The following ATP6V0B variants were observed in gnomAD, a reference collection of about 807,000 sequenced individuals.
ATP6V0B encodes ATPase H+ transporting V0 subunit b, also known as V-type proton ATPase 21 kDa proteolipid subunit c''.
Under a neutral mutation model 26.2 loss-of-function variants are expected in ATP6V0B, and 4 were observed. That is an observed-to-expected ratio of 0.15 (90% CI 0.08 to 0.35). The LOEUF is 0.35. Ranked by LOEUF, ATP6V0B falls within the 10% of genes least tolerant of loss-of-function variation. The pLI is 1.00. For missense variants in ATP6V0B, 175 were observed against 272.5 expected, an observed-to-expected ratio of 0.64 and a Z score of 2.52; for synonymous variants, 110 against 105.8, an observed-to-expected ratio of 1.04 and a Z score of -0.24.
chr1:43,977,118 G>A lies in ATP6V0B; in HGVS notation c.493G>A (p.Ala165Thr), dbSNP rs757377225. 1 of 1,614,242 alleles carries A rather than the reference G, an allele frequency of 6.2e-7. No individual in the cohort carries two copies. Among genetic ancestry groups the A allele is most frequent in the South Asian group, 1.1e-5 (1 of 91,088 alleles). ...CATCGTGGGCAGTGGGGCTGCCCTG[G>A]CCGATGCTCAGAACCCCAGCCTCTT... ...VGIVGSGAAL[A>T]DAQNPSLFVK... The change falls in exon 7 of 8, where the codon GCC becomes ACC. Residue 165 changes from alanine to threonine, a missense_variant. Transcript: ENST00000472174.
In ATP6V0B at chr1:43,977,153, T is replaced by G. The variant is rs1438975290; in HGVS notation, c.528T>G (p.Ile176Met). 1 of 1,614,238 alleles carries G rather than the reference T, an allele frequency of 6.2e-7. No individual in the cohort carries two copies. The stretch of plus-strand genomic sequence containing the variant: ...AGAACCCCAGCCTCTTTGTAAAGAT[T>G]CTCATCGTGGAGATCTTTGGCAGCG... ...DAQNPSLFVK[I>M]LIVEIFGSAI... Residue 176 changes from isoleucine to methionine, a missense_variant, in exon 7 of 8, where the codon ATT becomes ATG. Physicochemically the swap from Ile to Met is conservative, Grantham distance 10. Coordinates refer to ENST00000472174, the MANE Select transcript of ATP6V0B (RefSeq NM_004047.5).
rs1557646558 is a variant in ATP6V0B at position 43,976,288 on chromosome 1, T to TA, written c.201-13dup. ...GCTTGGGCTCTGCTCATCAGTTTTTTATCCTTCCACCAGGGGCATCTATAT... is the reference window on the plus strand; with the variant it reads ...GCTTGGGCTCTGCTCATCAGTTTTTTAATCCTTCCACCAGGGGCATCTATAT... On this transcript the variant is annotated splice_polypyrimidine_tract_variant and intron_variant, in intron 3 of 7. Transcript: ENST00000472174. This position sits in a 1 kb window ranked among gnomAD's most constrained non-coding sequence, Gnocchi z 4.6. 1 of 1,613,506 alleles carries TA rather than the reference T, an allele frequency of 6.2e-7. No homozygotes were observed. The highest frequency in any genetic ancestry group is 8.5e-7 in the Non-Finnish European group (1 of 1,179,606).
chr1:43,977,690 T>G, intron 7 of ATP6V0B: 1 of 1,427,784 alleles, frequency 7.0e-7, no homozygotes, highest in Non-Finnish European at 9.1e-7. Context: ...TGTGTGAGTT[T>G]GTGACTAAGG....
Position 43,977,343 on chromosome 1 carries a change from C to T in ATP6V0B, c.591+127C>T, listed in dbSNP as rs144973199. On this transcript the variant is annotated intron_variant, in intron 7 of 7. Coordinates refer to ENST00000472174, the MANE Select transcript of ATP6V0B (RefSeq NM_004047.5). ...AGATTCCCCCAAACAGCTTCCACCT[C>T]CTCATTTCCATCTTCTGGTTTTCTC... 806 of 1,565,500 alleles carry T rather than the reference C, an allele frequency of 5.1e-4. 5 individuals are homozygous for T. The highest frequency in any genetic ancestry group is 4.6e-3 in the South Asian group (400 of 86,674).
chr1:43,976,102 G>T lies in ATP6V0B; in HGVS notation c.129G>T (p.Glu43Asp), dbSNP rs1423451572. 1 of 1,614,020 alleles carries T rather than the reference G, an allele frequency of 6.2e-7. No homozygotes were observed. The highest frequency in any genetic ancestry group is 8.5e-7 in the Non-Finnish European group (1 of 1,180,002). The change falls in exon 3 of 8, where the codon GAG becomes GAT. Residue 43 changes from glutamate to aspartate, a missense_variant. Glu to Asp is a conservative substitution (Grantham distance 45, BLOSUM62 2). Transcript: ENST00000472174. This position sits in a 1 kb window ranked among gnomAD's most constrained non-coding sequence, Gnocchi z 4.6. Reference sequence around the variant, plus strand: ...GCTTCCACAACAGGTTCCTGACGGAGACTTCGCCCTTCATGTGGTCCAACC... The same window carrying T: ...GCTTCCACAACAGGTTCCTGACGGATACTTCGCCCTTCATGTGGTCCAACC... ...FRFDVAWFLT[E>D]TSPFMWSNLG...
Position 43,976,009 on chromosome 1 carries a change from G to A in ATP6V0B, c.117-81G>A. ...TGCCTGTAGAACTGGTGGTGGGGTT[G>A]AAGGGGGTTTGAGGGGTTAAGATTT... On this transcript the variant is annotated intron_variant, in intron 2 of 7. Transcript: ENST00000472174. The surrounding 1 kb of genome is among the most constrained non-coding windows in gnomAD (Gnocchi z 4.6). 1 of 1,547,266 alleles carries A rather than the reference G, an allele frequency of 6.5e-7. No homozygotes were observed. Among genetic ancestry groups the A allele is most frequent in the Non-Finnish European group, 8.9e-7 (1 of 1,120,352 alleles).
At chr1:43,977,693 G>A (rs2085537973) in intron 7 of ATP6V0B, 1 of 1,428,080 alleles carries the variant, frequency 7.0e-7, no homozygotes, top group African/African-American at 1.4e-5. Flanking sequence ...GTGAGTTTGT[G>A]ACTAAGGATC....
Position 43,977,525 on chromosome 1 carries a change from G to A in ATP6V0B, c.591+309G>A. ...GCCATGCTTTTCATGTCTCCAGTCT[G>A]TATTTGTGATCTAGACTAGAATGGA... On this transcript the variant is annotated intron_variant, in intron 7 of 7. Transcript: ENST00000472174. 2.8e-6 allele frequency: 4 copies of A among 1,427,882 alleles called. No homozygotes were observed. The South Asian group carries it at 4.7e-5, about 17-fold the overall frequency. The allele number at this position is 1,427,882 out of a possible 1,614,324, so 88.5% of individuals were successfully genotyped here. A position where few individuals can be genotyped will look rare whatever the true frequency, so the allele number is the denominator to read the frequency against.
Position 43,976,025 on chromosome 1 carries a change from G to T in ATP6V0B, c.117-65G>T. The stretch of plus-strand genomic sequence containing the variant: ...GGTGGGGTTGAAGGGGGTTTGAGGG[G>T]TTAAGATTTTGTGCTCCGCTTCCCT... On this transcript the variant is annotated intron_variant, in intron 2 of 7. Coordinates refer to ENST00000472174, the MANE Select transcript of ATP6V0B (RefSeq NM_004047.5). The surrounding 1 kb of genome is among the most constrained non-coding windows in gnomAD (Gnocchi z 4.6). 6.4e-7 allele frequency: 1 copy of T among 1,571,674 alleles called. No individual in the cohort carries two copies. The highest frequency in any genetic ancestry group is 8.8e-7 in the Non-Finnish European group (1 of 1,141,962).
intron 7 of ATP6V0B, 49 bp from the exon 8 acceptor site, chr1:43,977,932 T>C (rs776966051): frequency 1.9e-6 from 3 of 1,614,180 alleles, no homozygotes; most frequent in Middle Eastern, 3.3e-4. Flanking sequence ...TGTCACTGCC[T>C]TACCTATTCC....
chr1:43,976,802 C>T lies in ATP6V0B; in HGVS notation c.378C>T (p.Ile126=), dbSNP rs748224999. The change falls in exon 6 of 8, where the codon ATC becomes ATT. Residue 126 remains isoleucine (I), a synonymous_variant. Transcript: ENST00000472174. This position sits in a 1 kb window ranked among gnomAD's most constrained non-coding sequence, Gnocchi z 4.6. ...EPFSATDPKA[I]GHRNYHAGYS... ...TCAGTGCCACAGACCCCAAGGCCAT[C>T]GGCCATCGGAACTACCATGCAGGTG... The T allele has an allele frequency of 6.9e-5, 111 of 1,614,232 alleles. 4 individuals carry two copies. In the South Asian group the frequency reaches 9.0e-4, roughly 13 times the overall value.
Position 43,976,427 on chromosome 1 carries a change from G to T in ATP6V0B, c.278+48G>T. On this transcript the variant is annotated intron_variant, in intron 4 of 7. Transcript: ENST00000472174. The surrounding 1 kb of genome is among the most constrained non-coding windows in gnomAD (Gnocchi z 4.6). ...TTTTGTCAGAACCAGCTGTGTTGGC[G>T]CTGCCTGTGTGTTTGATCTGACATA... 1 of 1,565,770 alleles carries T rather than the reference G, an allele frequency of 6.4e-7. No homozygotes were observed. The highest frequency in any genetic ancestry group is 8.7e-7 in the Non-Finnish European group (1 of 1,143,996).
In ATP6V0B at chr1:43,977,007, C is replaced by A. The variant is rs367597315; in HGVS notation, c.401-19C>A. On this transcript the variant is annotated intron_variant, in intron 6 of 7. Coordinates refer to ENST00000472174, the MANE Select transcript of ATP6V0B (RefSeq NM_004047.5). ...CCATTCCTGGCTTAGCCTCACTGCA[C>A]CCCTCTCTATCCTCCCAGGCTACTC... 6.2e-6 allele frequency: 10 copies of A among 1,601,008 alleles called. No individual in the cohort carries two copies. The African/African-American group carries it at 1.1e-4, about 17-fold the overall frequency.
At position 43,977,137 on chromosome 1, in the gene ATP6V0B, G is replaced by C; in HGVS notation, c.512G>C (p.Ser171Thr). ...GAALADAQNP[S>T]LFVKILIVEI... is the part of the protein sequence containing the mutation. The stretch of plus-strand genomic sequence containing the variant: ...GCCCTGGCCGATGCTCAGAACCCCA[G>C]CCTCTTTGTAAAGATTCTCATCGTG... Residue 171 changes from serine to threonine, a missense_variant, in exon 7 of 8, where the codon AGC (serine) becomes ACC (threonine). Transcript: ENST00000472174. The C allele has an allele frequency of 6.2e-7, 1 of 1,614,230 alleles. No individual in the cohort carries two copies.
chr1:43,978,137 C>A lies in ATP6V0B; in HGVS notation c.*130C>A. On this transcript the variant is annotated 3_prime_UTR_variant, in exon 8 of 8. Coordinates refer to ENST00000472174, the MANE Select transcript of ATP6V0B (RefSeq NM_004047.5). ...CCCTCCCTGCACTCCCCTCTTGCTGCGTGTTGATTTGGAGGCACTGCAGTC... is the reference window on the plus strand; with the variant it reads ...CCCTCCCTGCACTCCCCTCTTGCTGAGTGTTGATTTGGAGGCACTGCAGTC... 2 of 1,372,828 alleles carry A rather than the reference C, an allele frequency of 1.5e-6. No individual in the cohort carries two copies. The highest frequency in any genetic ancestry group is 2.4e-5 in the South Asian group (2 of 84,976). 85.0% of individuals were successfully genotyped at this position (1,372,828 alleles called of 1,614,324 possible).
rs541391906 is a variant in ATP6V0B at position 43,976,014 on chromosome 1, G to T, written c.117-76G>T. The T allele has an allele frequency of 9.0e-6, 14 of 1,550,668 alleles. No homozygotes were observed. In the East Asian group the frequency reaches 3.1e-4, roughly 35 times the overall value. On this transcript the variant is annotated intron_variant, in intron 2 of 7. Coordinates refer to ENST00000472174, the MANE Select transcript of ATP6V0B (RefSeq NM_004047.5). This position sits in a 1 kb window ranked among gnomAD's most constrained non-coding sequence, Gnocchi z 4.6. ...GTAGAACTGGTGGTGGGGTTGAAGGGGGTTTGAGGGGTTAAGATTTTGTGC... is the reference window on the plus strand; with the variant it reads ...GTAGAACTGGTGGTGGGGTTGAAGGTGGTTTGAGGGGTTAAGATTTTGTGC...
Position 43,978,077 on chromosome 1 carries a change from T to C in ATP6V0B, c.*70T>C, listed in dbSNP as rs1432514340. 1.9e-6 allele frequency: 3 copies of C among 1,608,138 alleles called. No homozygotes were observed. The Admixed American group carries it at 5.0e-5, about 27-fold the overall frequency. ...GGTTTTCCTGGGACAGCTGGAGCTG[T>C]GTCCCTTAGCCTTTCAGAGGCTTGG... On this transcript the variant is annotated 3_prime_UTR_variant, in exon 8 of 8. Transcript: ENST00000472174.
rs1388192780 is a variant in ATP6V0B at position 43,976,962 on chromosome 1, C to T, written c.401-64C>T. The T allele has an allele frequency of 1.3e-6, 2 of 1,599,850 alleles. No homozygotes were observed. The highest frequency in any genetic ancestry group is 1.7e-5 in the Admixed American group (1 of 59,658). On this transcript the variant is annotated intron_variant, in intron 6 of 7. Transcript: ENST00000472174. The surrounding 1 kb of genome is among the most constrained non-coding windows in gnomAD (Gnocchi z 4.6). ...TTGCAGAGTGGGGATGGTGATTGGC[C>T]CCATTAGCCCATATCTCCCCCATTC...
In ATP6V0B at chr1:43,975,011, G is replaced by A. The variant is rs1298493673; in HGVS notation, c.-30G>A. On this transcript the variant is annotated 5_prime_UTR_variant, in exon 1 of 8. Coordinates refer to ENST00000472174, the MANE Select transcript of ATP6V0B (RefSeq NM_004047.5). Reference sequence around the variant, plus strand: ...GGGACGCGTTTGTAGCTCCGGCCCCGCCGTTCCGACCCCCGCCGCCGTCGC... The same window carrying A: ...GGGACGCGTTTGTAGCTCCGGCCCCACCGTTCCGACCCCCGCCGCCGTCGC... The A allele has an allele frequency of 6.4e-6, 8 of 1,257,102 alleles. No individual in the cohort carries two copies. The highest frequency in any genetic ancestry group is 2.8e-5 in the South Asian group (1 of 35,496). The allele number at this position is 1,257,102 out of a possible 1,614,324, so 77.9% of individuals were successfully genotyped here.
Sources: allele counts gnomAD v4.1 joint callset, GRCh38; gene constraint gnomAD v4.1.1; non-coding constraint Gnocchi (gnomAD v3.1); transcripts MANE v1.5; gene names NCBI Gene and HGNC (gene_info 2026-07-23, HGNC 2026-07-21).